The following CHRM3 variants were observed in gnomAD, a reference collection of about 807,000 sequenced individuals.
The protein encoded by CHRM3 is cholinergic receptor muscarinic 3.
In CHRM3, 11 loss-of-function variants were observed where a neutral mutation model predicts 41.8. That is an observed-to-expected ratio of 0.26 (90% CI 0.17 to 0.44). The LOEUF (loss-of-function observed/expected upper bound fraction) is 0.44. CHRM3 is among the 20% of genes least tolerant of loss of function. The pLI is 1.00. For synonymous variants in CHRM3, 297 were observed against 301.4 expected (o/e 0.99, Z 0.15); for missense variants, 571 against 745.4 (o/e 0.77, Z 2.72).
In CHRM3 at chr1:239,612,616, GC is replaced by G. The variant is rs139250307; in HGVS notation, c.-312-19607del. 1.9e-3 allele frequency among the ~76,000 whole-genome samples: 285 copies of G among 152,238 alleles called. 1 individual carries two copies. Among genetic ancestry groups the G allele is most frequent in the African/African-American group, 6.5e-3 (268 of 41,546 alleles). Reference sequence around the variant, plus strand: ...TCAACTTGGACAGGGTAGCATTCCTGCACTCCAAGAAGCAGTGAATTGCTAG... The same window carrying G: ...TCAACTTGGACAGGGTAGCATTCCTGACTCCAAGAAGCAGTGAATTGCTAG... On this transcript the variant is annotated intron_variant, in intron 3 of 6. Transcript: ENST00000676153.
At chr1:239,566,237 A>C (rs1007339604) in intron 3 of CHRM3, among the ~76,000 whole-genome samples, 9 of 152,198 alleles carry the variant, frequency 5.9e-5, no homozygotes, top group Non-Finnish European at 8.8e-5. Context: ...ATTTTGATTC[A>C]GCAGCATGTC....
At chr1:239,560,824 T>C (rs1165134446) in intron 3 of CHRM3, among the ~76,000 whole-genome samples, 2 of 152,114 alleles carry the variant, frequency 1.3e-5, no homozygotes, top group Non-Finnish European at 2.9e-5. Context: ...CTTGAATGCC[T>C]AACAAGTGGC....
chr1:239,568,431 C>T (rs1661556133), intron 3 of CHRM3, among the ~76,000 whole-genome samples: 1 of 152,112 alleles, frequency 6.6e-6, no homozygotes, highest in Non-Finnish European at 1.5e-5. Flanking sequence ...GGAAGACATG[C>T]CTTTCACCTT....
chr1:239,803,859 T>C (rs971400031), intron 5 of CHRM3, among the ~76,000 whole-genome samples: 1 of 152,204 alleles, frequency 6.6e-6, no homozygotes, highest in Non-Finnish European at 1.5e-5. Flanking sequence ...CAGAACCACC[T>C]ATTGGAGATC....
chr1:239,531,195 T>TA (rs1224032592), intron 2 of CHRM3, among the ~76,000 whole-genome samples: 1 of 152,082 alleles, frequency 6.6e-6, no homozygotes, highest in Non-Finnish European at 1.5e-5. Context: ...ATAATGATAA[T>TA]AAAAACTTTG....
chr1:239,461,080 A>G (rs1665322253), intron 1 of CHRM3, among the ~76,000 whole-genome samples: 1 of 152,186 alleles, frequency 6.6e-6, no homozygotes, highest in African/African-American at 2.4e-5. Flanking sequence ...GGGTCCATGT[A>G]TGCAGCTCAT....
chr1:239,634,530 T>A lies in CHRM3; in HGVS notation c.-250+2244T>A, dbSNP rs554240571. Among the ~76,000 whole-genome samples, 4 of 151,140 alleles carry A rather than the reference T, an allele frequency of 2.6e-5. No individual in the cohort carries two copies. In the East Asian group the frequency reaches 7.7e-4, roughly 29 times the overall value. On this transcript the variant is annotated intron_variant, in intron 4 of 6. Transcript: ENST00000676153. ...GAAAGCTGGTAAAGGAAATATTAAT[T>A]CTGAGCATCTTCTTTTCTTTTTTTT...
chr1:239,656,996 G>A (rs890646051), intron 4 of CHRM3, among the ~76,000 whole-genome samples: 1 of 152,134 alleles, frequency 6.6e-6, no homozygotes, highest in Non-Finnish European at 1.5e-5. Context: ...ATTAAAAAGA[G>A]CAACTAATCT....
At chr1:239,591,614 A>C (rs1239413640) in intron 3 of CHRM3, among the ~76,000 whole-genome samples, 1 of 152,112 alleles carries the variant, frequency 6.6e-6, no homozygotes, top group Non-Finnish European at 1.5e-5. Flanking sequence ...ATGAAAAAAA[A>C]AAAAAGAAAC....
intron 3 of CHRM3, among the ~76,000 whole-genome samples, chr1:239,609,906 C>G (rs776091423): frequency 7.9e-5 from 12 of 151,982 alleles, no homozygotes; most frequent in Non-Finnish European, 1.3e-4. Flanking sequence ...GTTAAAAGTA[C>G]TATAGGCCGG....
chr1:239,428,661 T>A (rs1470881750), intron 1 of CHRM3, among the ~76,000 whole-genome samples: 2 of 152,218 alleles, frequency 1.3e-5, no homozygotes, highest in African/African-American at 4.8e-5. Flanking sequence ...ACCAAAAGAT[T>A]AGTAAAATAT....
At chr1:239,643,791 G>C (rs12042581) in intron 4 of CHRM3, among the ~76,000 whole-genome samples, 40,511 of 152,052 alleles carry the variant, frequency 0.27, 6,170 homozygotes, top group East Asian at 0.65. Context: ...TGCGCCCACT[G>C]TCTGGCACTC....
At chr1:239,773,836 C>T (rs888061516) in intron 5 of CHRM3, among the ~76,000 whole-genome samples, 9 of 152,122 alleles carry the variant, frequency 5.9e-5, no homozygotes, top group South Asian at 2.1e-4. Flanking sequence ...ATAGGGGTTT[C>T]GTTAGAATGG....
intron 5 of CHRM3, among the ~76,000 whole-genome samples, chr1:239,812,648 T>G (rs1671205138): frequency 6.6e-6 from 1 of 152,192 alleles, no homozygotes; most frequent in African/African-American, 2.4e-5. Flanking sequence ...AAAATTTATT[T>G]TCAAACATAT....
At chr1:239,848,872 G>A (rs1329404096) in intron 6 of CHRM3, among the ~76,000 whole-genome samples, 2 of 152,114 alleles carry the variant, frequency 1.3e-5, no homozygotes, top group Non-Finnish European at 2.9e-5. Flanking sequence ...TGTTTCCACA[G>A]CACATACATG....
intron 5 of CHRM3, among the ~76,000 whole-genome samples, chr1:239,786,503 A>T (rs1289693690): frequency 6.6e-6 from 1 of 152,232 alleles, no homozygotes; most frequent in Non-Finnish European, 1.5e-5. Flanking sequence ...ACAGCTAATT[A>T]GCAGTAGGAG....
chr1:239,548,101 T>C (rs894090109), intron 3 of CHRM3, among the ~76,000 whole-genome samples: 2 of 152,236 alleles, frequency 1.3e-5, no homozygotes, highest in African/African-American at 2.4e-5. Flanking sequence ...ATATCAGACG[T>C]ACGCTTGTTT....
intron 6 of CHRM3, among the ~76,000 whole-genome samples, chr1:239,896,157 G>A (rs1235545812): frequency 6.6e-6 from 1 of 152,178 alleles, no homozygotes; most frequent in African/African-American, 2.4e-5. Flanking sequence ...TGCTCTGTGA[G>A]GTAACAGGAA....
chr1:239,839,647 C>T (rs1194332846), intron 6 of CHRM3, among the ~76,000 whole-genome samples: 2 of 152,118 alleles, frequency 1.3e-5, no homozygotes, highest in East Asian at 1.9e-4. Flanking sequence ...TTATCTTCCT[C>T]GTGGTTTAAA....
Sources: allele counts gnomAD v4.1 joint callset (sites outside exome capture counted in the v4.1 genomes callset), GRCh38; gene constraint gnomAD v4.1.1; transcripts MANE v1.5; gene names NCBI Gene and HGNC (gene_info 2026-07-23, HGNC 2026-07-21).